PCSK1: variants seen among roughly 807,000 people sequenced by gnomAD.
PCSK1 encodes proprotein convertase subtilisin/kexin type 1.
PCSK1 carries 56 observed loss-of-function variants against 90.6 expected under a neutral mutation model. The ratio of observed to expected loss-of-function variants is 0.62; its 90% CI spans 0.50 to 0.77. The LOEUF (loss-of-function observed/expected upper bound fraction) is 0.77, where lower values mean the gene tolerates loss of function less well. Among genes scored for constraint, PCSK1 ranks in the 30% least tolerant of loss-of-function variants. PCSK1 has a pLI of 0.00. For synonymous variants in PCSK1, 348 were observed against 342.4 expected (o/e 1.02, Z -0.18); for missense variants, 801 against 932.6 (o/e 0.86, Z 1.84).
chr5:96,399,033 G>A lies in PCSK1; in HGVS notation c.1434C>T (p.Ala478=), dbSNP rs780087093. The change falls in exon 11 of 14, where the codon GCC becomes GCT. Residue 478 remains alanine, a synonymous_variant. Coordinates refer to ENST00000311106, the MANE Select transcript of PCSK1 (RefSeq NM_000439.5). Reference sequence around the variant, plus strand: ...TGATAACTTCTCCATTAGCTTTCAGGGCTCTAAATACATTAAAGAATCAGC... The same window carrying A: ...TGATAACTTCTCCATTAGCTTTCAGAGCTCTAAATACATTAAAGAATCAGC... ...VVKDNDFEPR[A]LKANGEVIIE... 6.2e-6 allele frequency: 10 copies of A among 1,606,782 alleles called. No homozygotes were observed. The highest frequency in any genetic ancestry group is 7.7e-6 in the Non-Finnish European group (9 of 1,174,730).
chr5:96,397,099 A>G (rs1157686739), intron 12 of PCSK1, among the ~76,000 whole-genome samples: 1 of 152,188 alleles, frequency 6.6e-6, no homozygotes, highest in Non-Finnish European at 1.5e-5. Context: ...AGTCTGTCAC[A>G]TTGTTTATAT....
intron 2 of PCSK1, among the ~76,000 whole-genome samples, chr5:96,427,700 C>T (rs540515470): frequency 6.6e-6 from 1 of 152,152 alleles, no homozygotes; most frequent in Non-Finnish European, 1.5e-5. Context: ...ATGCTCTATT[C>T]TGTCCAATTT....
rs1482850713 is a variant in PCSK1, at chr5:96,394,891, C to A, written c.1857G>T (p.Gly619=). 2 of 1,614,144 alleles carry A rather than the reference C, an allele frequency of 1.2e-6. No individual in the cohort carries two copies. Among genetic ancestry groups the A allele is most frequent in the Non-Finnish European group, 8.5e-7 (1 of 1,180,006 alleles). ...CCCCTGGATCCACCATCTTCTCCAC[C>A]CCTCTTCTGTCATTCTGAACAGTGT... ...SYNTVQNDRR[G]VEKMVDPGEE... The change falls in exon 13 of 14, where the codon GGG becomes GGT. Residue 619 remains glycine, a synonymous_variant. Coordinates refer to ENST00000311106, the MANE Select transcript of PCSK1 (RefSeq NM_000439.5).
At chr5:96,411,924 C>T (rs2112421455) in intron 7 of PCSK1, among the ~76,000 whole-genome samples, 1 of 152,292 alleles carries the variant, frequency 6.6e-6, no homozygotes, top group East Asian at 1.9e-4. Flanking sequence ...ATTCTTGTGC[C>T]TCAGCCTCCC....
chr5:96,390,629 G>A lies in PCSK1; in HGVS notation c.*2372C>T, dbSNP rs1258164341. The A allele has an allele frequency of 1.3e-5, 2 of 152,294 alleles. No homozygotes were observed. The highest frequency in any genetic ancestry group is 4.8e-5 in the African/African-American group (2 of 41,352). 9.4% of individuals were successfully genotyped at this position (152,294 alleles called of 1,614,324 possible). Reference sequence around the variant, plus strand: ...CTTTCTTATTCTCAGGAAAACTTTTGGTTCTTTAATATAATTTATTATGCT... The same window carrying A: ...CTTTCTTATTCTCAGGAAAACTTTTAGTTCTTTAATATAATTTATTATGCT... On this transcript the variant is annotated 3_prime_UTR_variant, in exon 14 of 14. Transcript: ENST00000311106.
In PCSK1 at chr5:96,419,414, CCTCT is replaced by C. The variant is rs763565418; in HGVS notation, c.620+2462_620+2465del. On this transcript the variant is annotated intron_variant, in intron 5 of 13. Coordinates refer to ENST00000311106, the MANE Select transcript of PCSK1 (RefSeq NM_000439.5). ...TATATATATATAAACTCACTTAATA[CCTCT>C]CTCTCTCTCTCTCTCTCCCTCTCTC... 1.5e-3 allele frequency among the ~76,000 whole-genome samples: 199 copies of C among 129,098 alleles called. 1 individual carries two copies. The highest frequency in any genetic ancestry group is 3.8e-3 in the African/African-American group (123 of 32,544). 84.7% of individuals were successfully genotyped at this position (129,098 alleles called of 152,430 possible).
chr5:96,427,103 G>C (rs1162237604), intron 2 of PCSK1, among the ~76,000 whole-genome samples: 2 of 152,158 alleles, frequency 1.3e-5, no homozygotes, highest in Non-Finnish European at 2.9e-5. Context: ...TACACTTGGA[G>C]ATTTTATTAA....
At chr5:96,405,336 C>T (rs1274341956) in intron 9 of PCSK1, among the ~76,000 whole-genome samples, 2 of 152,130 alleles carry the variant, frequency 1.3e-5, no homozygotes, top group Non-Finnish European at 2.9e-5. Flanking sequence ...CAGAAATATG[C>T]CATACATACA....
chr5:96,421,339 C>T (rs1002737650), intron 5 of PCSK1, among the ~76,000 whole-genome samples: 7 of 152,170 alleles, frequency 4.6e-5, no homozygotes, highest in Admixed American at 3.3e-4. Context: ...AGGAGACTTC[C>T]GGCTGGCTCA....
intron 5 of PCSK1, among the ~76,000 whole-genome samples, chr5:96,420,507 C>G (rs1027417683): frequency 7.9e-5 from 12 of 152,116 alleles, no homozygotes; most frequent in Admixed American, 6.6e-4. Flanking sequence ...TTTAGTCACC[C>G]TCAAAGAAAT....
chr5:96,421,864 A>G lies in PCSK1; in HGVS notation c.620+16T>C, dbSNP rs372878417. On this transcript the variant is annotated intron_variant, in intron 5 of 13. Transcript: ENST00000311106. The stretch of plus-strand genomic sequence containing the variant: ...TTGTAAAGTACTTTATTTCACACAA[A>G]TGCATATTTACTCACTTGTTCTCGT... The G allele has an allele frequency of 2.1e-5, 28 of 1,313,340 alleles. No homozygotes were observed. In the African/African-American group the frequency reaches 3.1e-4, roughly 14 times the overall value. The allele number at this position is 1,313,340 out of a possible 1,614,324, so 81.4% of individuals were successfully genotyped here.
Position 96,393,385 on chromosome 5 carries a change from CAT to C in PCSK1, c.1885-9_1885-8del. 1 of 1,613,420 alleles carries C rather than the reference CAT, an allele frequency of 6.2e-7. No individual in the cohort carries two copies. Among genetic ancestry groups the C allele is most frequent in the Non-Finnish European group, 8.5e-7 (1 of 1,179,856 alleles). ...TCTCTTGTGTGGGCTGCTCCTAAAA[CAT>C]AGAATGCCATCCACAAAGGGAAGAA... On this transcript the variant is annotated splice_polypyrimidine_tract_variant and splice_region_variant and intron_variant, in intron 13 of 13. Transcript: ENST00000311106.
At chr5:96,423,289 A>T in intron 4 of PCSK1, 24 bp downstream of exon 4, 3 of 1,594,368 alleles carry the variant, frequency 1.9e-6, no homozygotes, top group Non-Finnish European at 2.6e-6. Flanking sequence ...CCTAAGTCAC[A>T]GTCATGAGAA....
intron 2 of PCSK1, among the ~76,000 whole-genome samples, chr5:96,427,771 GTTTGGGCATGCAT>G (rs1297702689): frequency 1.3e-5 from 2 of 152,310 alleles, no homozygotes; most frequent in East Asian, 3.9e-4. Context: ...TGGGCATGCA[GTTTGGGCATGCAT>G]TTAGGCAAAG....
intron 13 of PCSK1, 101 bp from the exon 14 acceptor site, chr5:96,393,479 G>GCGGC: frequency 7.5e-7 from 1 of 1,339,438 alleles, no homozygotes; most frequent in Non-Finnish European, 1.1e-6. Flanking sequence ...TGCCGCTTGA[G>GCGGC]AGGCAATGAG....
In PCSK1 at chr5:96,412,403, G is replaced by C; in HGVS notation, c.797C>G (p.Ala266Gly). The C allele has an allele frequency of 6.2e-7, 1 of 1,613,968 alleles. No homozygotes were observed. Among genetic ancestry groups the C allele is most frequent in the Non-Finnish European group, 8.5e-7 (1 of 1,179,872 alleles). The change falls in exon 7 of 14, where the codon GCA becomes GGA. Residue 266 changes from alanine to glycine, a missense_variant. Physicochemically the swap from Ala to Gly is moderately conservative, Grantham distance 60. Transcript: ENST00000311106. ...CCCATCATCATTAGGGCCCCAGCTT[G>C]CACTGTAAATATCCACGTGTCCAGG... ...FNPGHVDIYSASWGPNDDGKT... is the reference protein window; with the variant it reads ...FNPGHVDIYSGSWGPNDDGKT...
chr5:96,413,838 G>A (rs1015351517), intron 6 of PCSK1, among the ~76,000 whole-genome samples: 4 of 145,850 alleles, frequency 2.7e-5, no homozygotes, highest in African/African-American at 5.1e-5. Context: ...AAAAAAAATC[G>A]GCCAGGTGCG....
intron 5 of PCSK1, among the ~76,000 whole-genome samples, chr5:96,416,723 T>C (rs1012637762): frequency 2.6e-5 from 4 of 152,184 alleles, no homozygotes; most frequent in African/African-American, 9.7e-5. Context: ...TGCAAGACAT[T>C]ACCAGCTAAT....
At chr5:96,419,111 TA>T (rs887187807) in intron 5 of PCSK1, among the ~76,000 whole-genome samples, 1 of 151,848 alleles carries the variant, frequency 6.6e-6, no homozygotes, top group African/African-American at 2.4e-5. Flanking sequence ...TGCACACATA[TA>T]CATATATGGC....
Sources: gnomAD v4.1 joint callset for allele counts (sites outside exome capture counted in the v4.1 genomes callset) on GRCh38, gnomAD v4.1.1 for gene constraint, MANE v1.5 for transcripts, NCBI Gene and HGNC (gene_info 2026-07-23, HGNC 2026-07-21) for gene names.